The following NEBL variants were observed in gnomAD, a reference collection of about 807,000 sequenced individuals.
The protein encoded by NEBL is LIM and SH3 protein 2.
In NEBL, 122 loss-of-function variants were observed where a neutral mutation model predicts 140.2. The ratio of observed to expected loss-of-function variants is 0.87; its 90% confidence interval spans 0.75 to 1.01. The LOEUF (loss-of-function observed/expected upper bound fraction) is 1.01. Ranked by LOEUF, NEBL falls within the 50% of genes least tolerant of loss-of-function variation. NEBL has a pLI of 0.00. For missense variants in NEBL, 1,365 were observed against 1,231.3 expected, an observed-to-expected ratio of 1.11 and a Z score of -1.62; for synonymous variants, 436 against 398.9, an observed-to-expected ratio of 1.09 and a Z score of -1.11.
chr10:20,932,549 C>A (rs1046309335), intron 4 of NEBL, among the ~76,000 whole-genome samples: 2 of 152,100 alleles, frequency 1.3e-5, no homozygotes, highest in African/African-American at 4.8e-5. Context: ...ATGTAACAAA[C>A]CTGCACATTC....
chr10:21,169,067 AATATATATATAT>A (rs1176763018), intron 2 of NEBL, among the ~76,000 whole-genome samples: 615 of 22,996 alleles, frequency 0.027, 26 homozygotes, highest in Non-Finnish European at 0.031. Context: ...AAAAAAAAAA[AATATATATATAT>A]ATATATATAT....
intron 2 of NEBL, among the ~76,000 whole-genome samples, chr10:21,141,382 A>G (rs944634214): frequency 7.9e-5 from 12 of 152,202 alleles, no homozygotes; most frequent in Admixed American, 1.3e-4. Flanking sequence ...CACTTACCTC[A>G]ATGGTTTCAG....
chr10:20,909,621 C>T (rs974092070), intron 4 of NEBL, among the ~76,000 whole-genome samples: 6 of 151,990 alleles, frequency 3.9e-5, no homozygotes, highest in Non-Finnish European at 7.4e-5. Context: ...ATAGTAAATG[C>T]TAATTGAAAA....
Position 20,785,690 on chromosome 10 carries a change from T to A in NEBL, c.*57A>T. 1 of 1,566,714 alleles carries A rather than the reference T, an allele frequency of 6.4e-7. No individual in the cohort carries two copies. The highest frequency in any genetic ancestry group is 1.4e-5 in the African/African-American group (1 of 73,592). On this transcript the variant is annotated 3_prime_UTR_variant, in exon 28 of 28. Transcript: ENST00000377122. ...TGTCTTAAAAGTATCTTCTATCTTT[T>A]AAAAAGATTAGGTTTGGGATACATT...
In NEBL at chr10:20,852,470, G is replaced by T. The variant is rs1228933060; in HGVS notation, c.1008+75C>A. 9 of 908,330 alleles carry T rather than the reference G, an allele frequency of 9.9e-6. No individual in the cohort carries two copies. The East Asian group carries it at 1.7e-4, about 17-fold the overall frequency. 56.3% of individuals were successfully genotyped at this position (908,330 alleles called of 1,614,324 possible). A position where few individuals can be genotyped will look rare whatever the true frequency, so the allele number is the denominator to read the frequency against. The stretch of plus-strand genomic sequence containing the variant: ...TGTACTTTCTCAGTTAAGACGCACG[G>T]CAGTGAGCGGCGGGCCTCAGGATGG... On this transcript the variant is annotated intron_variant, in intron 10 of 27. Transcript: ENST00000377122.
rs1304736579 is a variant in NEBL, at chr10:20,956,628, G to A, written c.357+5044C>T. Among the ~76,000 whole-genome samples, 6 of 152,084 alleles carry A rather than the reference G, an allele frequency of 3.9e-5. No individual in the cohort carries two copies. The East Asian group carries it at 1.2e-3, about 29-fold the overall frequency. ...TCATTCTCCCTTCAAACTGCTTAGT[G>A]TACTAGATTTTACTACTCAAAATCA... On this transcript the variant is annotated intron_variant, in intron 4 of 6. Coordinates refer to the NEBL transcript ENST00000417816.
intron 2 of NEBL, among the ~76,000 whole-genome samples, chr10:21,031,179 C>G (rs139346039): frequency 2.6e-5 from 4 of 152,300 alleles, no homozygotes; most frequent in Non-Finnish European, 5.9e-5. Context: ...AACAGCATGT[C>G]ACTAGGGTGG....
chr10:20,950,222 C>T (rs1209779899), intron 4 of NEBL, among the ~76,000 whole-genome samples: 3 of 152,172 alleles, frequency 2.0e-5, no homozygotes, highest in Admixed American at 6.5e-5. Flanking sequence ...TAGCAATGTG[C>T]GCGGCACATA....
chr10:20,935,404 C>T (rs1041533349), intron 4 of NEBL, among the ~76,000 whole-genome samples: 2 of 152,208 alleles, frequency 1.3e-5, no homozygotes, highest in African/African-American at 4.8e-5. Context: ...ATCAGCATCT[C>T]TTCATCGAAT....
intron 2 of NEBL, among the ~76,000 whole-genome samples, chr10:21,144,555 G>A (rs1839801000): frequency 6.6e-6 from 1 of 152,094 alleles, no homozygotes; most frequent in Non-Finnish European, 1.5e-5. Flanking sequence ...GCAAAACCTT[G>A]TCTGGACTAA....
intron 12 of NEBL, among the ~76,000 whole-genome samples, chr10:20,844,620 A>G (rs1367632835): frequency 6.6e-6 from 1 of 151,746 alleles, no homozygotes; most frequent in African/African-American, 2.4e-5. Flanking sequence ...AAAGTGCACC[A>G]TTATGTTTTT....
intron 3 of NEBL, among the ~76,000 whole-genome samples, chr10:21,185,487 C>CTT (rs10612676): frequency 4.9e-4 from 35 of 72,078 alleles, no homozygotes; most frequent in Non-Finnish European, 7.7e-4. Flanking sequence ...ATTTTCTTTC[C>CTT]TTTTTTTTTT....
chr10:21,109,325 A>C (rs1029283573), intron 2 of NEBL, among the ~76,000 whole-genome samples: 1 of 152,198 alleles, frequency 6.6e-6, no homozygotes, highest in African/African-American at 2.4e-5. Flanking sequence ...ATGTTGAACC[A>C]GCCTTGCATC....
intron 1 of NEBL, among the ~76,000 whole-genome samples, chr10:21,285,811 C>T (rs7070580): frequency 0.86 from 131,200 of 152,206 alleles, 56,739 homozygotes; most frequent in East Asian, 0.99. Context: ...GGAGTCACTC[C>T]TGTGACTCAT....
chr10:21,151,564 C>T (rs1195053056), intron 2 of NEBL, among the ~76,000 whole-genome samples: 6 of 152,148 alleles, frequency 3.9e-5, no homozygotes, highest in Admixed American at 3.9e-4. Context: ...TGCTCAACAC[C>T]CCAGCAACTG....
chr10:20,926,008 C>T (rs1833896395), intron 4 of NEBL, among the ~76,000 whole-genome samples: 1 of 152,176 alleles, frequency 6.6e-6, no homozygotes, highest in African/African-American at 2.4e-5. Flanking sequence ...CCATTCCCAG[C>T]CTGCCACCAG....
chr10:20,927,204 A>G (rs1257280276), intron 4 of NEBL, among the ~76,000 whole-genome samples: 1 of 152,234 alleles, frequency 6.6e-6, no homozygotes, highest in Admixed American at 6.5e-5. Context: ...GGAATGGACC[A>G]TGAGTTCAAG....
rs1300030380 is a variant in NEBL, at chr10:21,037,249, T to C, written c.165-17048A>G. On this transcript the variant is annotated intron_variant, in intron 2 of 6. Coordinates refer to the NEBL transcript ENST00000417816. ...CCAGCAAGAAAGAAAAGAACAAAGA[T>C]GAAAATGAGGGTGGGGGTGGAGGGG... Among the ~76,000 whole-genome samples the C allele has an allele frequency of 3.7e-4, 38 of 101,388 alleles. No homozygotes were observed. The East Asian group carries it at 9.5e-3, about 25-fold the overall frequency. The allele number at this position is 101,388 out of a possible 152,430, so 66.5% of individuals were successfully genotyped here.
chr10:21,119,412 A>C (rs893882648), intron 2 of NEBL, among the ~76,000 whole-genome samples: 2 of 150,102 alleles, frequency 1.3e-5, no homozygotes, highest in Non-Finnish European at 3.0e-5. Context: ...TATAAAGCAA[A>C]TATTTGTAAT....
Sources: allele counts gnomAD v4.1 joint callset (sites outside exome capture counted in the v4.1 genomes callset), GRCh38; gene constraint gnomAD v4.1.1; transcripts MANE v1.5; gene names NCBI Gene and HGNC (gene_info 2026-07-23, HGNC 2026-07-21).